LYZL1: variants seen among roughly 807,000 people sequenced by gnomAD.
LYZL1 encodes lysozyme like 1.
A neutral mutation model predicts 17.9 loss-of-function variants in LYZL1; 16 were observed. The observed-to-expected ratio is 0.90, with a 90% CI of 0.61 to 1.36. The LOEUF is 1.36. Among genes scored for constraint, LYZL1 ranks in the 40% most tolerant of loss-of-function variants. LYZL1 has a pLI of 0.00. For missense variants in LYZL1, 149 were observed against 188.4 expected (o/e 0.79, Z 1.22); for synonymous variants, 58 against 71.8 (o/e 0.81, Z 0.97).
Position 29,291,863 on chromosome 10 carries a change from T to G in LYZL1, c.-5T>G. 6.4e-7 allele frequency: 1 copy of G among 1,567,352 alleles called. No homozygotes were observed. On this transcript the variant is annotated 5_prime_UTR_variant, in exon 2 of 5. Coordinates refer to ENST00000649382, the MANE Select transcript of LYZL1 (RefSeq NM_032517.6). ...GGCAGGTTCTGTCTCCGGCAGGCTTTGAGGATGAAGGCTGCGGGCATTCTG... is the reference window on the plus strand; with the variant it reads ...GGCAGGTTCTGTCTCCGGCAGGCTTGGAGGATGAAGGCTGCGGGCATTCTG...
At chr10:29,304,566 G>T (rs1835566100) in intron 3 of LYZL1, among the ~76,000 whole-genome samples, 1 of 152,158 alleles carries the variant, frequency 6.6e-6, no homozygotes, top group African/African-American at 2.4e-5. Context: ...TTTTCTGTTG[G>T]ATGTGGAAGA....
At chr10:29,311,716 G>A (rs1462873562), downstream of LYZL1, among the ~76,000 whole-genome samples, 2 of 152,138 alleles carry the variant, frequency 1.3e-5, no homozygotes, top group Admixed American at 6.5e-5. Context: ...GGTGGCTCAC[G>A]TGTGTAATCC....
intron 3 of LYZL1, among the ~76,000 whole-genome samples, chr10:29,296,282 T>A (rs1827518461): frequency 1.3e-5 from 2 of 152,148 alleles, no homozygotes; most frequent in South Asian, 4.1e-4. Flanking sequence ...GGTGACTAAC[T>A]TAGTGATTAA....
chr10:29,289,891 G>A (rs1835337990), intron 1 of LYZL1, among the ~76,000 whole-genome samples: 1 of 152,160 alleles, frequency 6.6e-6, no homozygotes, highest in African/African-American at 2.4e-5. Context: ...TTGGAAATCA[G>A]CCACCAATGA....
At chr10:29,315,526 T>C (rs201246455), downstream of LYZL1, among the ~76,000 whole-genome samples, 1 of 139,978 alleles carries the variant, frequency 7.1e-6, no homozygotes. Context: ...TAAATAAAAA[T>C]AAATAAATAA....
chr10:29,302,707 C>T (rs563199126), intron 3 of LYZL1, among the ~76,000 whole-genome samples: 2 of 152,288 alleles, frequency 1.3e-5, no homozygotes, highest in South Asian at 4.1e-4. Context: ...AATGAGCTGG[C>T]CTTCAGTGTG....
intron 3 of LYZL1, among the ~76,000 whole-genome samples, chr10:29,293,066 C>T (rs1487458981): frequency 6.6e-6 from 1 of 150,950 alleles, no homozygotes; most frequent in Non-Finnish European, 1.5e-5. Context: ...GATGAATACA[C>T]TTTAGGTTTC....
chr10:29,311,036 A>T lies in LYZL1; in HGVS notation c.424A>T (p.Lys142Ter). Residue 142 changes from lysine (K) to a stop codon, truncating the protein, a stop_gained, in exon 5 of 5, where the codon AAA becomes TAA. Transcript: ENST00000649382. LOFTEE classifies it high-confidence loss of function. The part of the protein sequence containing the change: ...HCEGRDLSEW[K>*]KGCEVS ...TGAGGGCAGAGACCTGTCCGAGTGG[A>T]AAAAAGGCTGTGAGGTTTCCTAAAC... The T allele has an allele frequency of 6.2e-7, 1 of 1,613,988 alleles. No individual in the cohort carries two copies.
chr10:29,301,198 T>C (rs1219125516), intron 3 of LYZL1, among the ~76,000 whole-genome samples: 1 of 152,152 alleles, frequency 6.6e-6, no homozygotes, highest in African/African-American at 2.4e-5. Flanking sequence ...AACAGGTGTT[T>C]CCCTGCACAA....
chr10:29,293,127 C>CTTTTTTTTTTTTTTTTTTTTT lies in LYZL1; in HGVS notation c.298+456_298+457insTTTTTTTTTTTTTTTTTTTTT, dbSNP rs778807136. Among the ~76,000 whole-genome samples, 158 of 104,178 alleles carry CTTTTTTTTTTTTTTTTTTTTT rather than the reference C, an allele frequency of 1.5e-3. 2 individuals are homozygous for CTTTTTTTTTTTTTTTTTTTTT. Among genetic ancestry groups the CTTTTTTTTTTTTTTTTTTTTT allele is most frequent in the Non-Finnish European group, 2.1e-3 (108 of 50,594 alleles). The allele number at this position is 104,178 out of a possible 152,430, so 68.3% of individuals were successfully genotyped here. On this transcript the variant is annotated intron_variant, in intron 3 of 4. Transcript: ENST00000649382. ...TCTTTCTTTTTTTTTCTTTTCTTTT[C>CTTTTTTTTTTTTTTTTTTTTT]TTTTTTCTTTTTTTTTTTTTTTTGA...
chr10:29,314,805 C>T (rs1009122179), downstream of LYZL1, among the ~76,000 whole-genome samples: 2 of 152,198 alleles, frequency 1.3e-5, no homozygotes, highest in Admixed American at 6.5e-5. Flanking sequence ...ACTCCATATA[C>T]ACGTCCCTGA....
chr10:29,297,389 T>C (rs1835460674), intron 3 of LYZL1, among the ~76,000 whole-genome samples: 1 of 152,216 alleles, frequency 6.6e-6, no homozygotes, highest in Non-Finnish European at 1.5e-5. Flanking sequence ...GTAAGGTTCA[T>C]CACATGACCG....
At position 29,292,672 on chromosome 10, in the gene LYZL1, G is replaced by C. The variant is rs1564389010; in HGVS notation, c.293G>C (p.Cys98Ser). ...GAGAACAACCACTGCCATGTCGCCT[G>C]CTCAGGTGAGGCTCTGACTTTCCAG... Reference protein sequence around the residue: ...LKENNHCHVACSALITDDLTD... With the variant: ...LKENNHCHVASSALITDDLTD... Residue 98 changes from cysteine to serine, a missense_variant, in exon 3 of 5, where the codon TGC (cysteine) becomes TCC (serine). This residue lies in a region of LYZL1 where 130 missense variants were observed against 132.5 expected (regional missense o/e 0.98). Coordinates refer to ENST00000649382, the MANE Select transcript of LYZL1 (RefSeq NM_032517.6). 6.8e-6 allele frequency: 11 copies of C among 1,612,794 alleles called. No homozygotes were observed. Among genetic ancestry groups the C allele is most frequent in the Non-Finnish European group, 9.3e-6 (11 of 1,179,260 alleles).
chr10:29,293,836 C>T lies in LYZL1; in HGVS notation c.298+1159C>T, dbSNP rs373318671. ...AAATAATACAAAAATTAGCTGGGCA[C>T]GGTGGTAGGTGCCTGTAATCCCAGC... On this transcript the variant is annotated intron_variant, in intron 3 of 4. Coordinates refer to ENST00000649382, the MANE Select transcript of LYZL1 (RefSeq NM_032517.6). Among the ~76,000 whole-genome samples the T allele has an allele frequency of 1.6e-3, 244 of 151,818 alleles. 1 individual carries two copies. Among genetic ancestry groups the T allele is most frequent in the Non-Finnish European group, 2.5e-3 (167 of 67,910 alleles).
intron 3 of LYZL1, among the ~76,000 whole-genome samples, chr10:29,298,261 G>T (rs1835471601): frequency 6.6e-6 from 1 of 152,188 alleles, no homozygotes; most frequent in Non-Finnish European, 1.5e-5. Flanking sequence ...CCAGCACCGA[G>T]GTACAAGGGG....
At chr10:29,317,756 T>C (rs1022186297) in intron 4 of LYZL1, among the ~76,000 whole-genome samples, 3 of 152,192 alleles carry the variant, frequency 2.0e-5, no homozygotes, top group Non-Finnish European at 4.4e-5. Context: ...GTTAATCACC[T>C]GGCACAAACC....
chr10:29,308,482 G>A (rs1374859032), intron 3 of LYZL1, among the ~76,000 whole-genome samples: 5 of 152,158 alleles, frequency 3.3e-5, no homozygotes, highest in Middle Eastern at 3.2e-3. Context: ...CAAACCCATC[G>A]CAGCGTCTGT....
At chr10:29,290,426 T>C (rs1213470108) in intron 1 of LYZL1, among the ~76,000 whole-genome samples, 3 of 152,178 alleles carry the variant, frequency 2.0e-5, no homozygotes, top group Non-Finnish European at 4.4e-5. Context: ...TTTCCTCCTT[T>C]CATGAGGCTT....
chr10:29,318,326 T>A, exon 5 of LYZL1: 1 of 285,770 alleles, frequency 3.5e-6, no homozygotes, highest in Non-Finnish European at 5.2e-6. Context: ...GATTCATAAG[T>A]AATCTGACTT....
Sources: allele counts gnomAD v4.1 joint callset (sites outside exome capture counted in the v4.1 genomes callset), GRCh38; gene constraint gnomAD v4.1.1; regional missense constraint gnomAD v4.1.1; transcripts MANE v1.5; gene names NCBI Gene and HGNC (gene_info 2026-07-23, HGNC 2026-07-21).